Variants in ATF6 observed in about 807,000 individuals in gnomAD.
ATF6 encodes activating transcription factor 6, also known as cyclic AMP-dependent transcription factor ATF-6 alpha.
A neutral mutation model predicts 83.6 loss-of-function variants in ATF6; 53 were observed. The ratio of observed to expected loss-of-function variants is 0.63; its 90% confidence interval spans 0.51 to 0.80. The LOEUF (loss-of-function observed/expected upper bound fraction) is 0.80. Ranked by LOEUF, ATF6 falls within the 30% of genes least tolerant of loss-of-function variation. The probability of loss-of-function intolerance (pLI) is 0.00; values close to 1 mark genes in which losing one functional copy is unlikely to be tolerated. For missense variants in ATF6, 744 were observed against 797.9 expected (o/e 0.93, Z 0.81); for synonymous variants, 288 against 285.8 (o/e 1.01, Z -0.08).
Position 161,835,775 on chromosome 1 carries a change from G to A in ATF6, c.1188-10674G>A, listed in dbSNP as rs558142563. 2.6e-5 allele frequency among the ~76,000 whole-genome samples: 4 copies of A among 152,214 alleles called. No homozygotes were observed. In the South Asian group the frequency reaches 8.3e-4, roughly 32 times the overall value. Reference sequence around the variant, plus strand: ...GAAGGGAACTTCTTCCTGGCACATAGGATTGCAGATTATAGATTCCTTTGT... The same window carrying A: ...GAAGGGAACTTCTTCCTGGCACATAAGATTGCAGATTATAGATTCCTTTGT... On this transcript the variant is annotated intron_variant, in intron 9 of 15. Coordinates refer to ENST00000367942, the MANE Select transcript of ATF6 (RefSeq NM_007348.4).
intron 15 of ATF6, among the ~76,000 whole-genome samples, chr1:161,951,082 G>A (rs976538888): frequency 1.2e-4 from 18 of 152,162 alleles, no homozygotes; most frequent in African/African-American, 4.3e-4. Flanking sequence ...AAAAGCCCTA[G>A]GGGAGCTAAA....
chr1:161,911,113 A>G (rs561749316), intron 14 of ATF6, among the ~76,000 whole-genome samples: 1 of 152,234 alleles, frequency 6.6e-6, no homozygotes, highest in East Asian at 1.9e-4. Flanking sequence ...TATTGCTCTC[A>G]GCTGTATCAG....
At chr1:161,951,719 G>A (rs748223135) in intron 15 of ATF6, among the ~76,000 whole-genome samples, 2 of 152,182 alleles carry the variant, frequency 1.3e-5, no homozygotes, top group Non-Finnish European at 2.9e-5. Flanking sequence ...CTGAGGAAAT[G>A]CATTTGTTTG....
intron 13 of ATF6, among the ~76,000 whole-genome samples, chr1:161,861,949 T>C (rs1455349858): frequency 2.0e-5 from 3 of 152,224 alleles, no homozygotes; most frequent in Non-Finnish European, 4.4e-5. Flanking sequence ...ATAAGTTTCA[T>C]TCAGGCATGA....
At chr1:161,802,657 A>T (rs149962311) in intron 7 of ATF6, among the ~76,000 whole-genome samples, 7 of 152,238 alleles carry the variant, frequency 4.6e-5, no homozygotes, top group African/African-American at 1.7e-4. Flanking sequence ...TTCAGATAAG[A>T]GTCTATAGAT....
chr1:161,820,679 C>T (rs1272779686), intron 8 of ATF6, among the ~76,000 whole-genome samples: 6 of 151,972 alleles, frequency 3.9e-5, no homozygotes, highest in African/African-American at 1.5e-4. Flanking sequence ...ACCTGGGAGG[C>T]GGAGATTGCG....
intron 1 of ATF6, among the ~76,000 whole-genome samples, chr1:161,771,846 A>T (rs968841224): frequency 1.3e-5 from 2 of 152,148 alleles, no homozygotes; most frequent in African/African-American, 4.8e-5. Context: ...TACTTCCATC[A>T]TGATTCTTGG....
At chr1:161,800,710 C>T (rs934623522) in intron 6 of ATF6, among the ~76,000 whole-genome samples, 7 of 152,164 alleles carry the variant, frequency 4.6e-5, no homozygotes, top group African/African-American at 1.7e-4. Flanking sequence ...CTACTGTACC[C>T]TCTATTTTAT....
intron 14 of ATF6, among the ~76,000 whole-genome samples, chr1:161,880,705 A>G (rs1687305251): frequency 1.3e-5 from 2 of 152,172 alleles, no homozygotes; most frequent in Admixed American, 1.3e-4. Context: ...AACTGTGACT[A>G]TTTGTGTACA....
chr1:161,849,701 C>G (rs930605746), intron 10 of ATF6, among the ~76,000 whole-genome samples: 15 of 133,338 alleles, frequency 1.1e-4, no homozygotes, highest in African/African-American at 3.5e-4. Context: ...CTAGGTGACT[C>G]ATCTATAATT....
At chr1:161,903,055 A>G (rs1687819227) in intron 14 of ATF6, among the ~76,000 whole-genome samples, 3 of 152,064 alleles carry the variant, frequency 2.0e-5, no homozygotes, top group Admixed American at 6.6e-5. Flanking sequence ...CATACCTTTT[A>G]ATTAAACTTT....
chr1:161,846,406 C>G (rs1686487353), intron 9 of ATF6, 43 bp from the exon 10 acceptor site: 1 of 1,577,578 alleles, frequency 6.3e-7, no homozygotes, highest in African/African-American at 1.4e-5. Context: ...ATATGTGTGA[C>G]ATATTTTTAT....
intron 14 of ATF6, among the ~76,000 whole-genome samples, chr1:161,910,945 C>A (rs1687980546): frequency 6.6e-6 from 1 of 152,190 alleles, no homozygotes; most frequent in Admixed American, 6.5e-5. Flanking sequence ...TTGAATTACA[C>A]AAAATACAAG....
chr1:161,786,051 C>T (rs1223120328), intron 4 of ATF6, among the ~76,000 whole-genome samples: 1 of 151,662 alleles, frequency 6.6e-6, no homozygotes, highest in East Asian at 1.9e-4. Context: ...CGGCTCACTG[C>T]AACCTCCGCC....
At chr1:161,802,604 T>C (rs1215750462) in intron 7 of ATF6, among the ~76,000 whole-genome samples, 3 of 152,178 alleles carry the variant, frequency 2.0e-5, no homozygotes, top group South Asian at 2.1e-4. Context: ...TCCACTAATA[T>C]TTTACAGATT....
intron 1 of ATF6, among the ~76,000 whole-genome samples, chr1:161,771,143 T>A (rs937065113): frequency 2.0e-5 from 3 of 152,178 alleles, no homozygotes; most frequent in Non-Finnish European, 4.4e-5. Flanking sequence ...TCTCCTTCTC[T>A]CTTCTCTTTT....
chr1:161,773,703 G>C (rs1684452296), intron 1 of ATF6, among the ~76,000 whole-genome samples: 1 of 152,176 alleles, frequency 6.6e-6, no homozygotes, highest in Admixed American at 6.5e-5. Flanking sequence ...AGTTTGTTGA[G>C]TACACTAAAA....
At position 161,846,539 on chromosome 1, in the gene ATF6, A is replaced by T. The variant is rs1158170636; in HGVS notation, c.1278A>T (p.Ala426=). Residue 426 remains alanine (A), a synonymous_variant, in exon 10 of 16, where the codon GCA becomes GCT. Coordinates refer to ENST00000367942, the MANE Select transcript of ATF6 (RefSeq NM_007348.4). The part of the protein sequence containing the change: ...RHLLGFSAKE[A]QDTSDGIIQK... ...TTCTAGGATTTTCTGCTAAAGAGGC[A>T]CAGGACACATCAGATGGTATTATCC... The T allele has an allele frequency of 1.2e-6, 2 of 1,611,800 alleles. No homozygotes were observed. The highest frequency in any genetic ancestry group is 3.3e-5 in the Admixed American group (2 of 59,828).
intron 14 of ATF6, 97 bp from the exon 15 acceptor site, chr1:161,912,199 C>G: frequency 1.5e-6 from 1 of 648,186 alleles, no homozygotes; most frequent in Non-Finnish European, 2.5e-6. Flanking sequence ...TTTTCATCAT[C>G]CCAACGAAAT....
Sources: gnomAD v4.1 joint callset for allele counts (sites outside exome capture counted in the v4.1 genomes callset) on GRCh38, gnomAD v4.1.1 for gene constraint, MANE v1.5 for transcripts, NCBI Gene and HGNC (gene_info 2026-07-23, HGNC 2026-07-21) for gene names.